Variants in TAF4 observed in about 807,000 individuals in gnomAD.
The protein encoded by TAF4 is TATA-box binding protein associated factor 4.
A neutral mutation model predicts 90.3 loss-of-function variants in TAF4; 9 were observed. The ratio of observed to expected loss-of-function variants is 0.10; its 90% confidence interval spans 0.06 to 0.17. The LOEUF (loss-of-function observed/expected upper bound fraction) is 0.17, where lower values mean the gene tolerates loss of function less well. Among genes scored for constraint, TAF4 ranks in the 10% least tolerant of loss-of-function variants. The probability of loss-of-function intolerance (pLI) is 1.00; values close to 1 mark genes in which losing one functional copy is unlikely to be tolerated. For missense variants in TAF4, 1,351 were observed against 1,370.7 expected, an observed-to-expected ratio of 0.99 and a Z score of 0.23; for synonymous variants, 818 against 638.9, an observed-to-expected ratio of 1.28 and a Z score of -4.23.
chr20:62,028,311 T>C (rs889379614), intron 1 of TAF4, among the ~76,000 whole-genome samples: 15 of 152,214 alleles, frequency 9.9e-5, no homozygotes, highest in Non-Finnish European at 1.9e-4. Context: ...AAGTTAACTT[T>C]AAATGGCTGA....
intron 1 of TAF4, among the ~76,000 whole-genome samples, chr20:62,021,238 G>A (rs1216434215): frequency 6.6e-6 from 1 of 152,234 alleles, no homozygotes; most frequent in Non-Finnish European, 1.5e-5. Context: ...CTGTAAGAAG[G>A]GAGAAGCCAC....
Position 62,064,488 on chromosome 20 carries a change from C to T in TAF4, c.1323G>A (p.Gln441=). The T allele has an allele frequency of 6.6e-7, 1 of 1,514,426 alleles. No individual in the cohort carries two copies. The highest frequency in any genetic ancestry group is 8.8e-7 in the Non-Finnish European group (1 of 1,132,228). The allele number at this position is 1,514,426 out of a possible 1,614,324, so 93.8% of individuals were successfully genotyped here. A position where few individuals can be genotyped will look rare whatever the true frequency, so the allele number is the denominator to read the frequency against. The change falls in exon 1 of 15, where the codon CAG becomes CAA. Residue 441 remains glutamine (Q), a synonymous_variant. Coordinates refer to ENST00000252996, the MANE Select transcript of TAF4 (RefSeq NM_003185.4). ...VLAPRLPQPP[Q]NPTNIQNFQL... is the part of the protein sequence containing the mutation. Reference sequence around the variant, plus strand: ...GGAAGTTCTGGATGTTGGTCGGGTTCTGAGGCGGCTGCGGCAAGCGGGGGG... The same window carrying T: ...GGAAGTTCTGGATGTTGGTCGGGTTTTGAGGCGGCTGCGGCAAGCGGGGGG...
intron 3 of TAF4, among the ~76,000 whole-genome samples, chr20:62,011,526 G>A (rs2055777466): frequency 6.6e-6 from 1 of 152,208 alleles, no homozygotes; most frequent in Non-Finnish European, 1.5e-5. Flanking sequence ...CTCCTTCAGG[G>A]AAAACACCAA....
chr20:61,998,496 A>G (rs111615130), intron 12 of TAF4, among the ~76,000 whole-genome samples: 3 of 152,284 alleles, frequency 2.0e-5, no homozygotes, highest in African/African-American at 7.2e-5. Context: ...TGGGCCTCAT[A>G]GGCTCCTTGC....
chr20:62,006,460 G>A lies in TAF4; in HGVS notation c.2223+50C>T. On this transcript the variant is annotated intron_variant, in intron 7 of 14. Coordinates refer to ENST00000252996, the MANE Select transcript of TAF4 (RefSeq NM_003185.4). This position sits in a 1 kb window ranked among gnomAD's most constrained non-coding sequence, Gnocchi z 7.0. ...GCCAATTTATCTAAGAAGCGGGCGG[G>A]AGCAGAGGCACGGTGGGCTGTGCAG... is the stretch of plus-strand genomic sequence containing the variant. 1 of 1,370,520 alleles carries A rather than the reference G, an allele frequency of 7.3e-7. No homozygotes were observed. Among genetic ancestry groups the A allele is most frequent in the Non-Finnish European group, 9.4e-7 (1 of 1,058,556 alleles). The allele number at this position is 1,370,520 out of a possible 1,614,324, so 84.9% of individuals were successfully genotyped here. A position where few individuals can be genotyped will look rare whatever the true frequency, so the allele number is the denominator to read the frequency against.
chr20:61,989,803 G>A (rs539445366), intron 14 of TAF4, among the ~76,000 whole-genome samples: 31 of 152,342 alleles, frequency 2.0e-4, no homozygotes, highest in Admixed American at 1.7e-3. Context: ...GAATCCATGA[G>A]CGAACGAATA....
intron 1 of TAF4, among the ~76,000 whole-genome samples, chr20:62,027,494 T>C (rs746610715): frequency 1.3e-5 from 2 of 152,124 alleles, no homozygotes; most frequent in Non-Finnish European, 2.9e-5. Flanking sequence ...TTCACACAAA[T>C]GAACAGATTG....
At chr20:62,053,354 G>A (rs1013776707) in intron 1 of TAF4, among the ~76,000 whole-genome samples, 3 of 152,174 alleles carry the variant, frequency 2.0e-5, no homozygotes, top group Non-Finnish European at 2.9e-5. Flanking sequence ...GACCGCCCTC[G>A]CACTGCCCTG....
Position 62,065,510 on chromosome 20 carries a change from C to G in TAF4, c.301G>C (p.Gly101Arg), listed in dbSNP as rs2056125775. ...GAGGGGGGGCCCGGGCGCTGCGGCC[C>G]CCCGCCCCCCGGCCGCGCTCTACCT... is the stretch of plus-strand genomic sequence containing the variant. The part of the protein sequence containing the change: ...PAGRARPGGG[G>R]PQRPGPPSPR... The change falls in exon 1 of 15, where the codon GGG becomes CGG. Residue 101 changes from glycine (G) to arginine (R), a missense_variant. Physicochemically the swap from Gly to Arg is moderately radical, Grantham distance 125. Coordinates refer to ENST00000252996, the MANE Select transcript of TAF4 (RefSeq NM_003185.4). The G allele has an allele frequency of 1.0e-6, 1 of 974,522 alleles. No homozygotes were observed. The highest frequency in any genetic ancestry group is 6.4e-5 in the Admixed American group (1 of 15,632). 60.4% of individuals were successfully genotyped at this position (974,522 alleles called of 1,614,324 possible). A position where few individuals can be genotyped will look rare whatever the true frequency, so the allele number is the denominator to read the frequency against.
Position 62,010,492 on chromosome 20 carries a change from A to G in TAF4, c.1642-327T>C, listed in dbSNP as rs1315282330. On this transcript the variant is annotated intron_variant, in intron 3 of 14. Coordinates refer to ENST00000252996, the MANE Select transcript of TAF4 (RefSeq NM_003185.4). This position sits in a 1 kb window ranked among gnomAD's most constrained non-coding sequence, Gnocchi z 4.5. ...AAAAGTCACATAGAGACCAGAGTAA[A>G]TAATCCTAACAGGCAACCCAGATCC... 6.6e-6 allele frequency among the ~76,000 whole-genome samples: 1 copy of G among 152,110 alleles called. No individual in the cohort carries two copies. Among genetic ancestry groups the G allele is most frequent in the Non-Finnish European group, 1.5e-5 (1 of 68,018 alleles).
chr20:62,009,339 G>A (rs1027739003), intron 4 of TAF4, among the ~76,000 whole-genome samples, 165 bp from the exon 5 acceptor site: 1 of 152,202 alleles, frequency 6.6e-6, no homozygotes, highest in Non-Finnish European at 1.5e-5. Flanking sequence ...CATGGGGCAG[G>A]CCAGCCACAT....
intron 1 of TAF4, among the ~76,000 whole-genome samples, chr20:62,024,634 C>T (rs536558394): frequency 1.3e-5 from 2 of 151,976 alleles, no homozygotes; most frequent in Non-Finnish European, 2.9e-5. Flanking sequence ...TTTGGGAGGC[C>T]GAGGAGGACA....
At position 62,036,314 on chromosome 20, in the gene TAF4, C is replaced by T. The variant is rs535783380; in HGVS notation, c.1361-21607G>A. 5.6e-4 allele frequency among the ~76,000 whole-genome samples: 86 copies of T among 152,334 alleles called. 1 individual carries two copies. The highest frequency in any genetic ancestry group is 9.3e-4 in the Non-Finnish European group (63 of 68,024). On this transcript the variant is annotated intron_variant, in intron 1 of 14. Transcript: ENST00000252996. Reference sequence around the variant, plus strand: ...TGCTGGGATGACAGGCGTGAGCCACCGCGCCTGGCTCATTAATTAATTTTT... The same window carrying T: ...TGCTGGGATGACAGGCGTGAGCCACTGCGCCTGGCTCATTAATTAATTTTT...
chr20:62,044,640 A>T (rs908016355), intron 1 of TAF4, among the ~76,000 whole-genome samples: 2 of 152,232 alleles, frequency 1.3e-5, no homozygotes, highest in East Asian at 3.8e-4. Flanking sequence ...GTTTAAGTAT[A>T]GGGTAGCAGA....
intron 1 of TAF4, among the ~76,000 whole-genome samples, chr20:62,047,515 C>G (rs994047201): frequency 3.9e-5 from 6 of 152,308 alleles, no homozygotes; most frequent in Middle Eastern, 3.4e-3. Context: ...TACAGCGAGA[C>G]CCTCCCCACC....
At chr20:62,051,630 C>A (rs1333204947) in intron 1 of TAF4, among the ~76,000 whole-genome samples, 3 of 152,102 alleles carry the variant, frequency 2.0e-5, no homozygotes, top group Non-Finnish European at 4.4e-5. Flanking sequence ...AGAGGCCACC[C>A]TCCCTCCCCA....
In TAF4 at chr20:62,006,865, T is replaced by TA. The variant is rs1284669821; in HGVS notation, c.1975-108dup. On this transcript the variant is annotated intron_variant, in intron 6 of 14. Coordinates refer to ENST00000252996, the MANE Select transcript of TAF4 (RefSeq NM_003185.4). This position sits in a 1 kb window ranked among gnomAD's most constrained non-coding sequence, Gnocchi z 7.0. The stretch of plus-strand genomic sequence containing the variant: ...TTTTACAGAAAGCTTTTGAGCTAAG[T>TA]AAGATGGATCTTGGCCCTCACGGCA... 7.3e-6 allele frequency: 10 copies of TA among 1,376,600 alleles called. No homozygotes were observed. In the African/African-American group the frequency reaches 1.3e-4, roughly 18 times the overall value. The allele number at this position is 1,376,600 out of a possible 1,614,324, so 85.3% of individuals were successfully genotyped here. A position where few individuals can be genotyped will look rare whatever the true frequency, so the allele number is the denominator to read the frequency against.
intron 1 of TAF4, among the ~76,000 whole-genome samples, chr20:62,052,881 C>A (rs1399954948): frequency 1.3e-5 from 2 of 150,944 alleles, no homozygotes; most frequent in Admixed American, 6.6e-5. Flanking sequence ...CACCCCAGGT[C>A]CCTCACGCTG....
Position 62,009,136 on chromosome 20 carries a change from T to C in TAF4, c.1800A>G (p.Leu600=), listed in dbSNP as rs374022257. ...MENVKKCKNF[L]STLIKLASSG... ...ATGAAGCCAGTTTTATTAACGTAGATAGGAAATTTTTACATTTCTTCACGT... is the reference window on the plus strand; with the variant it reads ...ATGAAGCCAGTTTTATTAACGTAGACAGGAAATTTTTACATTTCTTCACGT... Residue 600 remains leucine, a synonymous_variant, in exon 5 of 15, where the codon CTA becomes CTG. Transcript: ENST00000252996. The C allele has an allele frequency of 5.3e-5, 86 of 1,612,884 alleles. No homozygotes were observed. In the African/African-American group the frequency reaches 9.1e-4, roughly 17 times the overall value.
Sources: gnomAD v4.1 joint callset for allele counts (sites outside exome capture counted in the v4.1 genomes callset) on GRCh38, gnomAD v4.1.1 for gene constraint, Gnocchi (gnomAD v3.1) non-coding constraint, MANE v1.5 for transcripts, NCBI Gene and HGNC (gene_info 2026-07-23, HGNC 2026-07-21) for gene names.